Variants in SPINK8 observed in about 807,000 individuals in gnomAD.
SPINK8 encodes the protein serine peptidase inhibitor Kazal type 8 (putative).
SPINK8 carries 12 observed loss-of-function variants against 14.4 expected under a neutral mutation model. The ratio of observed to expected loss-of-function variants is 0.83; its 90% CI spans 0.53 to 1.35. The LOEUF (loss-of-function observed/expected upper bound fraction) is 1.35. SPINK8 is among the 40% of genes most tolerant of loss of function. SPINK8 has a pLI of 0.00. For synonymous variants in SPINK8, 32 were observed against 37.6 expected, an observed-to-expected ratio of 0.85 and a Z score of 0.55; for missense variants, 103 against 117.0, an observed-to-expected ratio of 0.88 and a Z score of 0.55.
At chr3:48,319,752 A>T in intron 5 of SPINK8, 134 bp from the exon 6 acceptor site, 1 of 1,258,276 alleles carries the variant, frequency 7.9e-7, no homozygotes, top group Non-Finnish European at 1.1e-6. Context: ...CAGAAGCCTC[A>T]GTGTTTGACC....
chr3:48,324,267 T>G (rs77397346), intron 4 of SPINK8, among the ~76,000 whole-genome samples: 1,720 of 152,312 alleles, frequency 0.011, 34 homozygotes, highest in African/African-American at 0.039. Flanking sequence ...GAAATTGTTT[T>G]CTTAATTTCA....
chr3:48,320,054 T>C (rs185798329), intron 5 of SPINK8, among the ~76,000 whole-genome samples: 1,953 of 149,700 alleles, frequency 0.013, 35 homozygotes, highest in African/African-American at 0.045. Context: ...GATGTGAACC[T>C]GGGAGGCGGA....
intron 1 of SPINK8, among the ~76,000 whole-genome samples, chr3:48,332,798 C>T (rs928665833): frequency 1.1e-4 from 16 of 152,176 alleles, no homozygotes; most frequent in African/African-American, 3.4e-4. Context: ...AAGGATTGTC[C>T]TAACCCTTGT....
intron 5 of SPINK8, among the ~76,000 whole-genome samples, chr3:48,319,836 A>G (rs2036047140): frequency 6.6e-6 from 1 of 152,154 alleles, no homozygotes; most frequent in Admixed American, 6.5e-5. Context: ...AGACTCCCAT[A>G]AATTCTTTAT....
chr3:48,309,344 G>C (rs1575339736), intron 7 of SPINK8, among the ~76,000 whole-genome samples: 1 of 152,062 alleles, frequency 6.6e-6, no homozygotes, highest in African/African-American at 2.4e-5. Flanking sequence ...CTAGGGCTCC[G>C]GCAAGTCCTG....
At chr3:48,307,547 C>T (rs1487660661) in intron 7 of SPINK8, among the ~76,000 whole-genome samples, 2 of 146,884 alleles carry the variant, frequency 1.4e-5, no homozygotes, top group South Asian at 2.2e-4. Context: ...CCCCACCCCC[C>T]CACCTCTTCT....
intron 6 of SPINK8, among the ~76,000 whole-genome samples, chr3:48,313,831 T>C (rs1284175820): frequency 1.3e-5 from 2 of 152,142 alleles, no homozygotes; most frequent in African/African-American, 4.8e-5. Flanking sequence ...TCAAAATGAT[T>C]ATGTAAGTGA....
At position 48,306,967 on chromosome 3, in the gene SPINK8, G is replaced by A. The variant is rs1294680543; in HGVS notation, c.*25C>T. 3 of 1,611,640 alleles carry A rather than the reference G, an allele frequency of 1.9e-6. No individual in the cohort carries two copies. Among genetic ancestry groups the A allele is most frequent in the African/African-American group, 2.7e-5 (2 of 74,900 alleles). On this transcript the variant is annotated 3_prime_UTR_variant, in exon 8 of 8. Coordinates refer to ENST00000434006, the MANE Select transcript of SPINK8 (RefSeq NM_001080525.3). ...CACTTGGCAATCTGGAGATTCAGTAGGTTTTATAATTCTTTGTCGTACGTT... is the reference window on the plus strand; with the variant it reads ...CACTTGGCAATCTGGAGATTCAGTAAGTTTTATAATTCTTTGTCGTACGTT...
intron 6 of SPINK8, 129 bp downstream of exon 6, chr3:48,319,368 A>G (rs1255827061): frequency 9.1e-6 from 10 of 1,095,450 alleles, no homozygotes; most frequent in Non-Finnish European, 1.3e-5. Flanking sequence ...GGGAGGAACA[A>G]ATACTGGAGG....
At chr3:48,310,032 A>G in intron 6 of SPINK8, 86 bp from the exon 7 acceptor site, 1 of 1,260,568 alleles carries the variant, frequency 7.9e-7, no homozygotes, top group Non-Finnish European at 1.0e-6. Context: ...TCTTTGGCTA[A>G]GTTTGGGAAA....
rs150007415 is a variant in SPINK8, at chr3:48,310,495, AAT to A, written c.240-551_240-550del. On this transcript the variant is annotated intron_variant, in intron 6 of 7. Transcript: ENST00000434006. ...TAGTACTGAATTCTACCAAAAAAAA[AAT>A]TTTTTTTTTTTTTTTTTGAGACAGA... Among the ~76,000 whole-genome samples, 1,000 of 147,364 alleles carry A rather than the reference AAT, an allele frequency of 6.8e-3. 7 individuals are homozygous for A. Among genetic ancestry groups the A allele is most frequent in the Middle Eastern group, 0.029 (8 of 278 alleles).
chr3:48,331,241 C>T (rs549904069), intron 2 of SPINK8, among the ~76,000 whole-genome samples: 4 of 152,204 alleles, frequency 2.6e-5, no homozygotes, highest in South Asian at 2.1e-4. Flanking sequence ...TCAATATTTC[C>T]GGGAAGCCGC....
intron 5 of SPINK8, among the ~76,000 whole-genome samples, chr3:48,320,694 A>G (rs2107099562): frequency 6.6e-6 from 1 of 152,274 alleles, no homozygotes. Context: ...GGCAGGGGGT[A>G]TGCCTGGCAT....
chr3:48,323,270 G>A (rs1051329223), intron 4 of SPINK8, among the ~76,000 whole-genome samples: 2 of 151,918 alleles, frequency 1.3e-5, no homozygotes, highest in Admixed American at 1.3e-4. Flanking sequence ...TCAGCCACCC[G>A]AGTAGCTGGG....
At chr3:48,308,687 C>T (rs59152554) in intron 7 of SPINK8, among the ~76,000 whole-genome samples, 1 of 152,292 alleles carries the variant, frequency 6.6e-6, no homozygotes, top group Non-Finnish European at 1.5e-5. Flanking sequence ...ATCCCTCTTT[C>T]TGCATGTCCC....
At chr3:48,330,252 C>T (rs2036232904) in intron 2 of SPINK8, among the ~76,000 whole-genome samples, 1 of 152,144 alleles carries the variant, frequency 6.6e-6, no homozygotes, top group Non-Finnish European at 1.5e-5. Context: ...GGTACTGTGG[C>T]TCAAGCCTGT....
intron 6 of SPINK8, among the ~76,000 whole-genome samples, chr3:48,314,274 C>T (rs147473082): frequency 1.0e-3 from 157 of 151,376 alleles, no homozygotes; most frequent in Non-Finnish European, 2.0e-3. Context: ...ATTTCCTCCA[C>T]GAAAGCAACA....
At chr3:48,320,810 G>A (rs945849570) in intron 5 of SPINK8, among the ~76,000 whole-genome samples, 4 of 152,138 alleles carry the variant, frequency 2.6e-5, no homozygotes, top group African/African-American at 9.7e-5. Flanking sequence ...TACCCCACAG[G>A]TGAGTTATGT....
chr3:48,320,903 G>A, intron 5 of SPINK8, 122 bp downstream of exon 5: 1 of 906,082 alleles, frequency 1.1e-6, no homozygotes, highest in South Asian at 1.7e-5. Flanking sequence ...AGCTTTTATT[G>A]TTCTGTTATT....
Sources: allele counts gnomAD v4.1 joint callset (sites outside exome capture counted in the v4.1 genomes callset), GRCh38; gene constraint gnomAD v4.1.1; transcripts MANE v1.5; gene names NCBI Gene and HGNC (gene_info 2026-07-23, HGNC 2026-07-21).